ARFGEF1: variants seen among roughly 807,000 people sequenced by gnomAD.
The protein encoded by ARFGEF1 is brefeldin A-inhibited guanine nucleotide-exchange protein 1.
A neutral mutation model predicts 231.0 loss-of-function variants in ARFGEF1; 42 were observed. That is an observed-to-expected ratio of 0.18 (90% confidence interval 0.14 to 0.24). The LOEUF (loss-of-function observed/expected upper bound fraction) is 0.24. Among genes scored for constraint, ARFGEF1 ranks in the 10% least tolerant of loss-of-function variants. ARFGEF1 has a pLI of 1.00. For synonymous variants in ARFGEF1, 710 were observed against 732.3 expected (o/e 0.97, Z 0.49); for missense variants, 1,345 against 2,192.0 (o/e 0.61, Z 7.72).
chr8:67,328,340 T>C (rs921706089), intron 1 of ARFGEF1, among the ~76,000 whole-genome samples: 2 of 152,222 alleles, frequency 1.3e-5, no homozygotes, highest in African/African-American at 2.4e-5. Flanking sequence ...TAATTTTTTA[T>C]CTTTAATATT....
rs1838450078 is a variant in ARFGEF1 at position 67,204,673 on chromosome 8, T to G, written c.4959+7A>C. On this transcript the variant is annotated splice_region_variant and intron_variant, in intron 35 of 38. Transcript: ENST00000262215. ...CAAAAAAAGCAGCTGTCCTCCTATC[T>G]CCTTACCTGTGCTGCAGCTAAGTTT... 1.9e-6 allele frequency: 3 copies of G among 1,612,204 alleles called. No homozygotes were observed. The South Asian group carries it at 3.3e-5, about 18-fold the overall frequency.
At chr8:67,222,413 GCAC>G (rs1839228836) in intron 29 of ARFGEF1, among the ~76,000 whole-genome samples, 1 of 149,760 alleles carries the variant, frequency 6.7e-6, no homozygotes, top group South Asian at 2.1e-4. Flanking sequence ...TTACAGGTGT[GCAC>G]CACCACACCC....
intron 19 of ARFGEF1, among the ~76,000 whole-genome samples, chr8:67,249,482 T>C (rs1587132963): frequency 6.7e-6 from 1 of 150,216 alleles, no homozygotes; most frequent in Non-Finnish European, 1.5e-5. Context: ...TGCACACAGA[T>C]AGGCAGATAT....
chr8:67,286,398 G>T (rs1805759266), intron 7 of ARFGEF1, among the ~76,000 whole-genome samples: 2 of 152,144 alleles, frequency 1.3e-5, no homozygotes, highest in Non-Finnish European at 2.9e-5. Flanking sequence ...ACTCTGTATT[G>T]TTAGATGCTG....
intron 7 of ARFGEF1, among the ~76,000 whole-genome samples, chr8:67,280,827 TGA>T (rs1207181043): frequency 6.6e-6 from 1 of 152,176 alleles, no homozygotes; most frequent in East Asian, 1.9e-4. Flanking sequence ...ATACAATTAC[TGA>T]GAGTAGATTG....
At chr8:67,221,105 G>A (rs1839141025) in intron 29 of ARFGEF1, among the ~76,000 whole-genome samples, 2 of 152,062 alleles carry the variant, frequency 1.3e-5, no homozygotes, top group Admixed American at 6.5e-5. Flanking sequence ...TTACTCACAT[G>A]TTTATGGTGA....
intron 1 of ARFGEF1, among the ~76,000 whole-genome samples, chr8:67,330,558 T>C (rs1280155598): frequency 6.6e-6 from 1 of 152,208 alleles, no homozygotes; most frequent in African/African-American, 2.4e-5. Context: ...AAGATAACTA[T>C]AGACACAGAG....
At chr8:67,306,613 A>C (rs958477015) in intron 1 of ARFGEF1, among the ~76,000 whole-genome samples, 12 of 152,116 alleles carry the variant, frequency 7.9e-5, no homozygotes, top group African/African-American at 2.9e-4. Context: ...GGATTCAACA[A>C]ATTCTATTAT....
chr8:67,302,683 T>G (rs956017730), intron 1 of ARFGEF1, among the ~76,000 whole-genome samples: 1 of 152,066 alleles, frequency 6.6e-6, no homozygotes. Context: ...AACATAAGGA[T>G]AGGTGAAGTT....
intron 14 of ARFGEF1, among the ~76,000 whole-genome samples, chr8:67,261,796 G>A (rs964813395): frequency 6.7e-6 from 1 of 149,588 alleles, no homozygotes; most frequent in South Asian, 2.1e-4. Flanking sequence ...GAGCCACCGT[G>A]CCCTTTCCTC....
rs539063886 is a variant in ARFGEF1, at chr8:67,265,934, C to A, written c.2123+72G>T. Reference sequence around the variant, plus strand: ...ATTTTACTCATTATAAGGTGATAAACCCACGGCAGGGGTGGCACTATACTG... The same window carrying A: ...ATTTTACTCATTATAAGGTGATAAAACCACGGCAGGGGTGGCACTATACTG... On this transcript the variant is annotated intron_variant, in intron 14 of 38. Transcript: ENST00000262215. 1,870 of 1,438,416 alleles carry A rather than the reference C, an allele frequency of 1.3e-3. 5 individuals carry two copies. Among genetic ancestry groups the A allele is most frequent in the Non-Finnish European group, 1.2e-3 (1,264 of 1,036,012 alleles). The allele number at this position is 1,438,416 out of a possible 1,614,324, so 89.1% of individuals were successfully genotyped here.
intron 14 of ARFGEF1, among the ~76,000 whole-genome samples, chr8:67,260,762 T>A (rs1038964338): frequency 6.6e-6 from 1 of 152,192 alleles, no homozygotes; most frequent in African/African-American, 2.4e-5. Context: ...GAGGAAGGCA[T>A]GTCAAAAGCC....
chr8:67,196,908 T>C (rs962774759), downstream of ARFGEF1, among the ~76,000 whole-genome samples: 3 of 152,060 alleles, frequency 2.0e-5, no homozygotes, highest in Non-Finnish European at 4.4e-5. Flanking sequence ...TACAAATGCA[T>C]TGTTCAGTAA....
chr8:67,195,010 T>G (rs1324040262), downstream of ARFGEF1, among the ~76,000 whole-genome samples: 1 of 152,212 alleles, frequency 6.6e-6, no homozygotes, highest in Admixed American at 6.5e-5. Context: ...AGAAATTTTA[T>G]GTGTAGCCAT....
intron 38 of ARFGEF1, 169 bp downstream of exon 38, chr8:67,200,227 G>A (rs1838278276): frequency 1.5e-6 from 1 of 679,572 alleles, no homozygotes; most frequent in Admixed American, 2.0e-5. Context: ...AGAAAAGCAA[G>A]GACTGAGGAA....
Position 67,267,187 on chromosome 8 carries a change from G to A in ARFGEF1, c.1716C>T (p.Asp572=). Reference sequence around the variant, plus strand: ...TTTCAAATATATTGGCTGCATTTAAGTCACAGTCATAGTTTACATAAATAT... The same window carrying A: ...TTTCAAATATATTGGCTGCATTTAAATCACAGTCATAGTTTACATAAATAT... ...VVDIYVNYDC[D]LNAANIFERL... Residue 572 remains aspartate (D), a synonymous_variant, in exon 12 of 39, where the codon GAC becomes GAT. Coordinates refer to ENST00000262215, the MANE Select transcript of ARFGEF1 (RefSeq NM_006421.5). 1.2e-6 allele frequency: 2 copies of A among 1,613,102 alleles called. No individual in the cohort carries two copies. Among genetic ancestry groups the A allele is most frequent in the Non-Finnish European group, 1.7e-6 (2 of 1,179,634 alleles).
intron 3 of ARFGEF1, among the ~76,000 whole-genome samples, chr8:67,300,640 T>G: frequency 7.9e-6 from 1 of 126,842 alleles, no homozygotes. Context: ...CTGGCCAACA[T>G]GGTGAAACTC....
Position 67,343,558 on chromosome 8 carries a change from GCGTCCCGGCCGCCCCTCTCACT to G in ARFGEF1, c.-293_-272del, listed in dbSNP as rs1483874968. On this transcript the variant is annotated 5_prime_UTR_variant, in exon 1 of 39. Coordinates refer to ENST00000262215, the MANE Select transcript of ARFGEF1 (RefSeq NM_006421.5). ...CTCCGCTTCTCCCGGCCCGGGGGTC[GCGTCCCGGCCGCCCCTCTCACT>G]CGTCCCTCCGGCCCTGGTGGCGGTG... 26 of 1,128,752 alleles carry G rather than the reference GCGTCCCGGCCGCCCCTCTCACT, an allele frequency of 2.3e-5. No homozygotes were observed. The highest frequency in any genetic ancestry group is 2.7e-5 in the Non-Finnish European group (25 of 921,254). 69.9% of individuals were successfully genotyped at this position (1,128,752 alleles called of 1,614,324 possible).
At chr8:67,206,127 G>A (rs1838506138) in intron 34 of ARFGEF1, among the ~76,000 whole-genome samples, 1 of 151,812 alleles carries the variant, frequency 6.6e-6, no homozygotes. Flanking sequence ...AGTTAAGCCG[G>A]GGCCGGGTGC....
Sources: allele counts gnomAD v4.1 joint callset (sites outside exome capture counted in the v4.1 genomes callset), GRCh38; gene constraint gnomAD v4.1.1; transcripts MANE v1.5; gene names NCBI Gene and HGNC (gene_info 2026-07-23, HGNC 2026-07-21).